Variants in PASD1 observed in about 807,000 individuals in gnomAD.
The protein encoded by PASD1 is PAS domain containing repressor 1.
A neutral mutation model predicts 58.8 loss-of-function variants in PASD1; 13 were observed. The observed-to-expected ratio is 0.22, with a 90% CI of 0.14 to 0.35. The LOEUF (loss-of-function observed/expected upper bound fraction) is 0.35, where lower values mean the gene tolerates loss of function less well. Among genes scored for constraint, PASD1 ranks in the 10% least tolerant of loss-of-function variants. PASD1 has a pLI of 1.00. For synonymous variants in PASD1, 236 were observed against 216.7 expected (o/e 1.09, Z -0.78); for missense variants, 734 against 568.3 (o/e 1.29, Z -2.96).
chrX:151,640,759 T>C (rs1040192070), intron 8 of PASD1, among the ~76,000 whole-genome samples: 1 of 111,661 alleles, frequency 9.0e-6, no homozygotes. Context: ...TTCCAGTGAC[T>C]CACCAACCAA....
At chrX:151,667,586 G>T (rs2014400550) in intron 11 of PASD1, among the ~76,000 whole-genome samples, 1 of 112,154 alleles carries the variant, frequency 8.9e-6, no homozygotes, top group Non-Finnish European at 1.9e-5. Context: ...TCCAGTTTCA[G>T]CTTTCTACAT....
At chrX:151,569,345 C>T (rs2012894267) in intron 1 of PASD1, among the ~76,000 whole-genome samples, 1 of 111,922 alleles carries the variant, frequency 8.9e-6, no homozygotes, top group Admixed American at 9.5e-5. Flanking sequence ...GCCTCCTTTG[C>T]CAATCATCTT....
intron 7 of PASD1, 44 bp from the exon 8 acceptor site, chrX:151,625,404 T>C (rs1226160217): frequency 9.7e-7 from 1 of 1,027,080 alleles, no homozygotes; most frequent in Non-Finnish European, 1.4e-6. Context: ...ATTTTTACTA[T>C]TTATATACAT....
chrX:151,634,289 T>C (rs1473554183), intron 8 of PASD1, among the ~76,000 whole-genome samples: 1 of 110,830 alleles, frequency 9.0e-6, no homozygotes, highest in African/African-American at 3.3e-5. Flanking sequence ...TTCATATAGA[T>C]AGATATTTTG....
rs748193576 is a variant in PASD1 at position 151,664,177 on chromosome X, C to A, written c.900C>A (p.Asp300Glu). 1.5e-4 allele frequency: 179 copies of A among 1,208,939 alleles called. No homozygotes were observed. The highest frequency in any genetic ancestry group is 1.9e-4 in the Non-Finnish European group (171 of 894,991). The change falls in exon 11 of 16, where the codon GAC becomes GAA. Residue 300 changes from aspartate to glutamate, a missense_variant. Transcript: ENST00000370357. ...AGGTGAATCCATTGTACAGGGCAGA[C>A]CCAGTGGACCTGGAGTTCTCGGTGG... ...EPEVNPLYRADPVDLEFSVDQ... is the reference protein window; with the variant it reads ...EPEVNPLYRAEPVDLEFSVDQ...
intron 11 of PASD1, among the ~76,000 whole-genome samples, chrX:151,667,535 T>A (rs1206151081): frequency 1.8e-5 from 2 of 112,418 alleles, no homozygotes; most frequent in African/African-American, 6.5e-5. Context: ...AAGTCTTTAA[T>A]CCATCTTGAA....
chrX:151,674,622 T>G (rs1410289011), intron 15 of PASD1, among the ~76,000 whole-genome samples: 3 of 112,556 alleles, frequency 2.7e-5, no homozygotes, highest in Non-Finnish European at 5.6e-5. Flanking sequence ...TTGGTATCCA[T>G]CTATGGGGTA....
At chrX:151,668,802 G>A (rs3893210) in intron 11 of PASD1, among the ~76,000 whole-genome samples, 2 of 107,733 alleles carry the variant, frequency 1.9e-5, no homozygotes, top group Admixed American at 2.0e-4. Flanking sequence ...GGTACCATTC[G>A]TTCTGAAACT....
intron 1 of PASD1, among the ~76,000 whole-genome samples, chrX:151,583,242 C>T (rs112156895): frequency 0.032 from 3,602 of 112,068 alleles, 105 homozygotes; most frequent in African/African-American, 0.087. Flanking sequence ...ACCCATTTTC[C>T]TCATGTGTAA....
At chrX:151,647,930 A>G (rs1308391941) in intron 8 of PASD1, among the ~76,000 whole-genome samples, 2 of 111,327 alleles carry the variant, frequency 1.8e-5, no homozygotes, top group Non-Finnish European at 3.8e-5. Flanking sequence ...GTTTTTTATA[A>G]TATTTATTAT....
At chrX:151,575,938 A>T (rs1458346733) in intron 1 of PASD1, among the ~76,000 whole-genome samples, 2 of 110,692 alleles carry the variant, frequency 1.8e-5, no homozygotes, top group Non-Finnish European at 3.8e-5. Flanking sequence ...GTCTTGGCTC[A>T]CTGCAACCTC....
rs866182877 is a variant in PASD1 at position 151,674,112 on chromosome X, G to C, written c.2101G>C (p.Gly701Arg). 8 of 1,211,750 alleles carry C rather than the reference G, an allele frequency of 6.6e-6. No individual in the cohort carries two copies. The highest frequency in any genetic ancestry group is 8.9e-6 in the Non-Finnish European group (8 of 895,423). The change falls in exon 15 of 16, where the codon GGT (glycine) becomes CGT (arginine). Residue 701 changes from glycine (G) to arginine (R), a missense_variant. Transcript: ENST00000370357. ...TTGGCAAGAGTTGTCTGATTCACTC[G>C]GTCCTGTTGTCCAAGTGAACACTTG... ...RLWQELSDSL[G>R]PVVQVNTWSC...
chrX:151,629,243 C>T lies in PASD1; in HGVS notation c.629+3713C>T, dbSNP rs1356236494. Among the ~76,000 whole-genome samples, 3 of 111,352 alleles carry T rather than the reference C, an allele frequency of 2.7e-5. No individual in the cohort carries two copies. In the East Asian group the frequency reaches 8.5e-4, roughly 31 times the overall value. ...CAAGCGATTCTCCTGCCTCAGCCTC[C>T]TGAGTAGCTGGGATTACAGGCACGT... On this transcript the variant is annotated intron_variant, in intron 8 of 15. Transcript: ENST00000370357.
At chrX:151,578,020 C>T (rs2013036137) in intron 1 of PASD1, among the ~76,000 whole-genome samples, 1 of 111,724 alleles carries the variant, frequency 9.0e-6, no homozygotes, top group South Asian at 3.8e-4. Context: ...TCACAGAGAC[C>T]ATTCAATATT....
intron 1 of PASD1, among the ~76,000 whole-genome samples, chrX:151,586,533 G>GT (rs1475385927): frequency 9.0e-6 from 1 of 111,665 alleles, no homozygotes; most frequent in Non-Finnish European, 1.9e-5. Context: ...GAACAGGGCT[G>GT]TTGTAAGGAT....
chrX:151,648,016 A>C (rs2014082178), intron 8 of PASD1, among the ~76,000 whole-genome samples: 1 of 111,569 alleles, frequency 9.0e-6, no homozygotes, highest in Admixed American at 9.6e-5. Context: ...AATACATTTC[A>C]ATAACAGAAT....
intron 12 of PASD1, 126 bp downstream of exon 12, chrX:151,671,322 C>A: frequency 1.2e-6 from 1 of 834,053 alleles, no homozygotes; most frequent in Non-Finnish European, 1.7e-6. Flanking sequence ...GTGACAGCTG[C>A]TGCCCACAGG....
intron 1 of PASD1, among the ~76,000 whole-genome samples, chrX:151,576,946 C>A (rs1477876528): frequency 9.0e-6 from 1 of 111,628 alleles, no homozygotes; most frequent in East Asian, 2.8e-4. Flanking sequence ...TAAGATATAA[C>A]AATTAGAGCT....
At chrX:151,569,047 G>T (rs995584935) in intron 1 of PASD1, among the ~76,000 whole-genome samples, 3 of 111,460 alleles carry the variant, frequency 2.7e-5, no homozygotes, top group Non-Finnish European at 5.6e-5. Flanking sequence ...CATTGATTTT[G>T]CAATTCCCCC....
Sources: gnomAD v4.1 joint callset for allele counts (sites outside exome capture counted in the v4.1 genomes callset) on GRCh38, gnomAD v4.1.1 for gene constraint, MANE v1.5 for transcripts, NCBI Gene and HGNC (gene_info 2026-07-23, HGNC 2026-07-21) for gene names.